THSD4: variants seen among roughly 807,000 people sequenced by gnomAD.
THSD4 encodes thrombospondin type-1 domain-containing protein 4.
Under a neutral mutation model 119.0 loss-of-function variants are expected in THSD4, and 69 were observed. That is an observed-to-expected ratio of 0.58 (90% confidence interval 0.48 to 0.71). THSD4 has a LOEUF of 0.71. Ranked by LOEUF, THSD4 falls within the 30% of genes least tolerant of loss-of-function variation. The pLI, the probability that THSD4 is intolerant of heterozygous loss-of-function variation, is 0.00. For synonymous variants in THSD4, 524 were observed against 540.4 expected (o/e 0.97, Z 0.42); for missense variants, 1,393 against 1,391.1 (o/e 1.00, Z -0.02).
rs2054003442 is a variant in THSD4, at chr15:71,781,887, G to C, written c.*4513G>C. 1 of 152,378 alleles carries C rather than the reference G, an allele frequency of 6.6e-6. No individual in the cohort carries two copies. Among genetic ancestry groups the C allele is most frequent in the Admixed American group, 6.5e-5 (1 of 15,282 alleles). The allele number at this position is 152,378 out of a possible 1,614,324, so 9.4% of individuals were successfully genotyped here. A position where few individuals can be genotyped will look rare whatever the true frequency, so the allele number is the denominator to read the frequency against. On this transcript the variant is annotated 3_prime_UTR_variant, in exon 18 of 18. Transcript: ENST00000261862. ...AGAAGAGCTTTAGGTGATTTGTTTG[G>C]TGGGGGAAGGCAAGTACACAGCTAT...
chr15:71,442,660 G>GTATGTATGTATATATATATATA (rs1555414328), intron 7 of THSD4, among the ~76,000 whole-genome samples: 2 of 25,828 alleles, frequency 7.7e-5, no homozygotes, highest in Non-Finnish European at 1.8e-4. Flanking sequence ...GTGTGTGTGT[G>GTATGTATGTATATATATATATA]TATATATATA....
At chr15:71,762,921 AT>A (rs2053650172) in intron 15 of THSD4, among the ~76,000 whole-genome samples, 1 of 152,080 alleles carries the variant, frequency 6.6e-6, no homozygotes, top group African/African-American at 2.4e-5. Context: ...AAATACAAAA[AT>A]TAGCCAAGCA....
intron 6 of THSD4, among the ~76,000 whole-genome samples, chr15:71,302,566 G>C (rs1034871089): frequency 2.0e-5 from 3 of 152,134 alleles, no homozygotes; most frequent in Non-Finnish European, 4.4e-5. Flanking sequence ...CAAGTGGAAT[G>C]GTTTTGTTGG....
intron 2 of THSD4, among the ~76,000 whole-genome samples, chr15:71,152,054 C>T (rs2040727737): frequency 1.3e-5 from 2 of 152,140 alleles, no homozygotes; most frequent in South Asian, 4.1e-4. Flanking sequence ...TTATTCTTCT[C>T]CCCACTAATT....
intron 7 of THSD4, among the ~76,000 whole-genome samples, chr15:71,531,713 A>G (rs1258611836): frequency 6.6e-6 from 1 of 152,226 alleles, no homozygotes; most frequent in Non-Finnish European, 1.5e-5. Flanking sequence ...AGCACTCATT[A>G]AATGTTGTTC....
chr15:71,402,072 G>A (rs915378231), intron 6 of THSD4, among the ~76,000 whole-genome samples: 12 of 149,876 alleles, frequency 8.0e-5, no homozygotes, highest in Admixed American at 3.3e-4. Context: ...TGGACACAGG[G>A]AGGGGAACAT....
chr15:71,615,857 C>A (rs764943411), intron 7 of THSD4, among the ~76,000 whole-genome samples: 2 of 152,150 alleles, frequency 1.3e-5, no homozygotes, highest in African/African-American at 4.8e-5. Context: ...CCCAGCACCC[C>A]AGGGAACGAT....
At chr15:71,595,253 C>G (rs11638516) in intron 7 of THSD4, among the ~76,000 whole-genome samples, 14,630 of 152,172 alleles carry the variant, frequency 0.096, 728 homozygotes, top group Admixed American at 0.13. Flanking sequence ...AGGTGATAAG[C>G]TTTGGCTGTG....
intron 7 of THSD4, among the ~76,000 whole-genome samples, chr15:71,525,136 C>T (rs1193837763): frequency 3.3e-5 from 5 of 152,172 alleles, no homozygotes; most frequent in Admixed American, 2.0e-4. Context: ...TTACTGAGCA[C>T]TTATTATGCA....
At chr15:71,640,980 GACACACACACACACAC>G (rs10551548) in intron 7 of THSD4, among the ~76,000 whole-genome samples, 1 of 146,608 alleles carries the variant, frequency 6.8e-6, no homozygotes, top group Non-Finnish European at 1.5e-5. Context: ...CCCACCTACA[GACACACACACACACAC>G]ACACACACAC....
intron 7 of THSD4, among the ~76,000 whole-genome samples, chr15:71,572,061 AAGAG>A (rs1055275876): frequency 1.4e-4 from 21 of 152,206 alleles, no homozygotes; most frequent in East Asian, 3.9e-4. Flanking sequence ...TGTTGACAGA[AAGAG>A]AGAGAGAAAC....
At chr15:71,127,785 G>C (rs2040468118) in intron 1 of THSD4, among the ~76,000 whole-genome samples, 1 of 152,088 alleles carries the variant, frequency 6.6e-6, no homozygotes, top group Admixed American at 6.5e-5. Flanking sequence ...CTGTTGAGTT[G>C]TTTGAGTTCC....
intron 7 of THSD4, among the ~76,000 whole-genome samples, chr15:71,581,705 A>G (rs1423462634): frequency 2.6e-5 from 4 of 152,070 alleles, no homozygotes; most frequent in African/African-American, 9.7e-5. Flanking sequence ...TTGTGTAGAG[A>G]TAAGGGTTTG....
chr15:71,369,924 G>C (rs992186264), intron 6 of THSD4, among the ~76,000 whole-genome samples: 2 of 152,022 alleles, frequency 1.3e-5, no homozygotes, highest in African/African-American at 4.8e-5. Flanking sequence ...GTTTTTTTTG[G>C]TTAGTAGGCT....
chr15:71,770,987 C>T, intron 16 of THSD4, 77 bp from the exon 17 acceptor site: 1 of 1,545,224 alleles, frequency 6.5e-7, no homozygotes, highest in Non-Finnish European at 8.7e-7. Flanking sequence ...TTGAGATTTT[C>T]CAGTGTCTTC....
At chr15:71,449,065 G>A (rs2047228754) in intron 7 of THSD4, among the ~76,000 whole-genome samples, 1 of 152,160 alleles carries the variant, frequency 6.6e-6, no homozygotes, top group South Asian at 2.1e-4. Context: ...TTACCAGTGT[G>A]CCTGTCTGAC....
intron 6 of THSD4, among the ~76,000 whole-genome samples, chr15:71,383,185 G>A (rs1362191008): frequency 6.6e-6 from 1 of 152,120 alleles, no homozygotes; most frequent in Non-Finnish European, 1.5e-5. Context: ...ACTGGTTTTG[G>A]ACCCTGTAAT....
rs1567154532 is a variant in THSD4 at position 71,199,498 on chromosome 15, GTGT to G, written c.100-15536_100-15534del. ...GGTGTGTGTGTGTGGGGTGTGTGTGGTGTGTGTGTGTGTGTGGGGTGTGTGTGG... is the reference window on the plus strand; with the variant it reads ...GGTGTGTGTGTGTGGGGTGTGTGTGGGTGTGTGTGTGTGGGGTGTGTGTGG... On this transcript the variant is annotated intron_variant, in intron 3 of 17. Transcript: ENST00000261862. 1.7e-4 allele frequency among the ~76,000 whole-genome samples: 23 copies of G among 134,960 alleles called. No individual in the cohort carries two copies. In the East Asian group the frequency reaches 4.2e-3, roughly 24 times the overall value. The allele number at this position is 134,960 out of a possible 152,430, so 88.5% of individuals were successfully genotyped here.
intron 6 of THSD4, among the ~76,000 whole-genome samples, chr15:71,389,786 C>T (rs923388403): frequency 1.6e-5 from 2 of 128,816 alleles, no homozygotes; most frequent in Non-Finnish European, 3.5e-5. Context: ...CACATCCTTG[C>T]CAACACTTGC....
Sources: gnomAD v4.1 joint callset for allele counts (sites outside exome capture counted in the v4.1 genomes callset) on GRCh38, gnomAD v4.1.1 for gene constraint, MANE v1.5 for transcripts, NCBI Gene and HGNC (gene_info 2026-07-23, HGNC 2026-07-21) for gene names.